BAIAP2: variants seen among roughly 807,000 people sequenced by gnomAD.
BAIAP2 encodes BAR/IMD domain-containing adapter protein 2.
A neutral mutation model predicts 63.0 loss-of-function variants in BAIAP2; 18 were observed. The ratio of observed to expected loss-of-function variants is 0.29; its 90% CI spans 0.20 to 0.42. The LOEUF is 0.42. Ranked by LOEUF, BAIAP2 falls within the 10% of genes least tolerant of loss-of-function variation. BAIAP2 has a pLI of 1.00. For synonymous variants in BAIAP2, 386 were observed against 307.6 expected (o/e 1.25, Z -2.67); for missense variants, 610 against 734.3 (o/e 0.83, Z 1.96).
intron 3 of BAIAP2, among the ~76,000 whole-genome samples, chr17:81,072,959 C>T (rs1598637305): frequency 1.3e-5 from 2 of 152,104 alleles, no homozygotes; most frequent in Non-Finnish European, 2.9e-5. Context: ...GCACGCTTCC[C>T]TGATGAGAAA....
chr17:81,098,641 G>T (rs555715222), intron 6 of BAIAP2, among the ~76,000 whole-genome samples: 3 of 152,308 alleles, frequency 2.0e-5, no homozygotes, highest in Admixed American at 6.5e-5. Flanking sequence ...GCTCTGTCAG[G>T]TTGAGACTCA....
At position 81,106,080 on chromosome 17, in the gene BAIAP2, G is replaced by A. The variant is rs1242252565; in HGVS notation, c.1271G>A (p.Arg424Gln). 6.3e-7 allele frequency: 1 copy of A among 1,575,796 alleles called. No individual in the cohort carries two copies. Among genetic ancestry groups the A allele is most frequent in the Non-Finnish European group, 8.6e-7 (1 of 1,160,548 alleles). ...HYGESEKTKM[R>Q]GWFPFSYTRV... ...CTTACCTGGGGCCTCTCTTCCAGGCGGGGCTGGTTTCCCTTCTCCTACACC... is the reference window on the plus strand; with the variant it reads ...CTTACCTGGGGCCTCTCTTCCAGGCAGGGCTGGTTTCCCTTCTCCTACACC... Residue 424 changes from arginine (R) to glutamine (Q), a missense_variant and splice_region_variant, in exon 11 of 14, where the codon CGG (arginine) becomes CAG (glutamine). Arg to Gln is a conservative substitution (Grantham distance 43). Coordinates refer to ENST00000428708, the MANE Select transcript of BAIAP2 (RefSeq NM_001144888.2).
intron 13 of BAIAP2, among the ~76,000 whole-genome samples, chr17:81,114,986 G>A (rs547993559): frequency 1.3e-5 from 2 of 152,364 alleles, no homozygotes; most frequent in East Asian, 3.9e-4. Context: ...TGTCACCCTT[G>A]GAGCTGCCTG....
At chr17:81,050,333 GC>G (rs1285573976) in intron 1 of BAIAP2, among the ~76,000 whole-genome samples, 13 of 150,330 alleles carry the variant, frequency 8.6e-5, no homozygotes, top group Non-Finnish European at 1.9e-4. Context: ...GCAGGGCCGT[GC>G]CCAGGTGTCC....
Position 81,037,105 on chromosome 17 carries a change from T to C in BAIAP2, c.54+1797T>C, listed in dbSNP as rs945419780. 5.2e-5 allele frequency: 38 copies of C among 729,206 alleles called. No individual in the cohort carries two copies. The African/African-American group carries it at 6.2e-4, about 12-fold the overall frequency. 45.2% of individuals were successfully genotyped at this position (729,206 alleles called of 1,614,324 possible). A position where few individuals can be genotyped will look rare whatever the true frequency, so the allele number is the denominator to read the frequency against. ...AAGTGAAATCTGCTGGCAGGAAAAC[T>C]CTTAGGACTGAGTGTTTGGGGACTT... On this transcript the variant is annotated intron_variant, in intron 1 of 13. Transcript: ENST00000428708.
chr17:81,060,645 G>A (rs1166088176), intron 3 of BAIAP2, among the ~76,000 whole-genome samples: 4 of 152,168 alleles, frequency 2.6e-5, no homozygotes, highest in East Asian at 1.9e-4. Context: ...GGCATGCACC[G>A]AAACTGGAAT....
chr17:81,109,140 C>CCCCAGACTCTGTGAT (rs2059563517), intron 13 of BAIAP2: 1 of 1,444,704 alleles, frequency 6.9e-7, no homozygotes, highest in African/African-American at 1.4e-5. Context: ...TGGTTGGTGA[C>CCCCAGACTCTGTGAT]CCCAGACTCT....
chr17:81,070,324 C>T lies in BAIAP2; in HGVS notation c.217+12357C>T, dbSNP rs114565962. Among the ~76,000 whole-genome samples, 162 of 152,326 alleles carry T rather than the reference C, an allele frequency of 1.1e-3. 1 individual carries two copies. Among genetic ancestry groups the T allele is most frequent in the African/African-American group, 3.7e-3 (154 of 41,568 alleles). On this transcript the variant is annotated intron_variant, in intron 3 of 13. Transcript: ENST00000428708. ...GAACAGGCCCTGCTCCAAGCTGTGG[C>T]CTGGGTCTGCCCTCCACACTGAGCG...
At chr17:81,077,549 C>CAG (rs1354357291) in intron 3 of BAIAP2, among the ~76,000 whole-genome samples, 1 of 129,616 alleles carries the variant, frequency 7.7e-6, no homozygotes, top group Non-Finnish European at 1.6e-5. Flanking sequence ...GCCTGGGTGA[C>CAG]AGAGACTCTG....
At chr17:81,071,413 G>C (rs529185934) in intron 3 of BAIAP2, among the ~76,000 whole-genome samples, 71 of 152,216 alleles carry the variant, frequency 4.7e-4, no homozygotes, top group Non-Finnish European at 8.5e-4. Context: ...CTCTCGAGGT[G>C]CCTTTGGGCT....
At chr17:81,069,239 C>A (rs557783719) in intron 3 of BAIAP2, among the ~76,000 whole-genome samples, 66 of 152,320 alleles carry the variant, frequency 4.3e-4, no homozygotes, top group Admixed American at 1.4e-3. Flanking sequence ...CCAGCAGTCA[C>A]ATGCAGGCGG....
At chr17:81,041,385 G>A (rs1252720039) in intron 1 of BAIAP2, among the ~76,000 whole-genome samples, 2 of 152,198 alleles carry the variant, frequency 1.3e-5, no homozygotes, top group South Asian at 2.1e-4. Flanking sequence ...TGGGATGCAC[G>A]CGGCACCATG....
intron 1 of BAIAP2, among the ~76,000 whole-genome samples, chr17:81,044,089 G>A (rs2047455495): frequency 6.6e-6 from 1 of 152,198 alleles, no homozygotes; most frequent in Non-Finnish European, 1.5e-5. Flanking sequence ...GTTCCTGAGT[G>A]TGGCCACAGC....
chr17:81,111,972 ATC>A (rs2059977947), intron 13 of BAIAP2, among the ~76,000 whole-genome samples: 1 of 152,198 alleles, frequency 6.6e-6, no homozygotes. Flanking sequence ...CAGATCATGG[ATC>A]TGTCTTCTTT....
intron 3 of BAIAP2, among the ~76,000 whole-genome samples, chr17:81,082,719 C>T (rs778750240): frequency 1.3e-5 from 2 of 152,226 alleles, no homozygotes; most frequent in Non-Finnish European, 2.9e-5. Context: ...ACAGGCCTAG[C>T]AGTTGCCAGC....
intron 3 of BAIAP2, among the ~76,000 whole-genome samples, chr17:81,061,700 T>C (rs1362011700): frequency 3.3e-5 from 5 of 152,190 alleles, no homozygotes; most frequent in Admixed American, 2.6e-4. Context: ...GTTTTTAGCT[T>C]GGGGCGTTCC....
chr17:81,062,884 T>G (rs1323044820), intron 3 of BAIAP2, among the ~76,000 whole-genome samples: 1 of 152,028 alleles, frequency 6.6e-6, no homozygotes, highest in African/African-American at 2.4e-5. Flanking sequence ...CAGGGCCACC[T>G]TGGTGCTGAT....
intron 6 of BAIAP2, among the ~76,000 whole-genome samples, chr17:81,088,198 G>T (rs1326439203): frequency 2.0e-5 from 3 of 152,128 alleles, no homozygotes; most frequent in Admixed American, 6.5e-5. Flanking sequence ...GTGTGAGCCA[G>T]CCCTGAGCAC....
intron 6 of BAIAP2, chr17:81,098,109 T>TGGG: frequency 1.4e-6 from 2 of 1,381,858 alleles, no homozygotes; most frequent in East Asian, 5.6e-5. Context: ...CAGCGGGGGG[T>TGGG]GGGGAGGCAT....
Sources: gnomAD v4.1 joint callset for allele counts (sites outside exome capture counted in the v4.1 genomes callset) on GRCh38, gnomAD v4.1.1 for gene constraint, MANE v1.5 for transcripts, NCBI Gene and HGNC (gene_info 2026-07-23, HGNC 2026-07-21) for gene names.